Variants in METTL25 observed in about 807,000 individuals in gnomAD.
METTL25 encodes the protein methyltransferase like 25, also known as probable methyltransferase-like protein 25.
A neutral mutation model predicts 71.6 loss-of-function variants in METTL25; 64 were observed. That is an observed-to-expected ratio of 0.89 (90% confidence interval 0.73 to 1.10). The LOEUF is 1.10. METTL25 is among the 50% of genes least tolerant of loss of function. METTL25 has a pLI of 0.00. For missense variants in METTL25, 807 were observed against 707.0 expected, an observed-to-expected ratio of 1.14 and a Z score of -1.60; for synonymous variants, 287 against 250.3, an observed-to-expected ratio of 1.15 and a Z score of -1.38.
chr12:82,402,226 C>T (rs765497973), intron 4 of METTL25, among the ~76,000 whole-genome samples: 11 of 151,738 alleles, frequency 7.2e-5, no homozygotes, highest in African/African-American at 2.2e-4. Flanking sequence ...ATAGTTGATG[C>T]GGTGTATAAA....
At chr12:82,380,009 T>C (rs1592611077) in intron 1 of METTL25, among the ~76,000 whole-genome samples, 1 of 152,150 alleles carries the variant, frequency 6.6e-6, no homozygotes, top group African/African-American at 2.4e-5. Flanking sequence ...ATATTTGAGG[T>C]TTTAAAAATT....
intron 1 of METTL25, among the ~76,000 whole-genome samples, chr12:82,372,139 C>A (rs536321797): frequency 1.3e-5 from 2 of 152,286 alleles, no homozygotes; most frequent in African/African-American, 4.8e-5. Flanking sequence ...CCAAGTAAGA[C>A]TAAAGGTTTG....
At chr12:82,380,039 G>A (rs1884273560) in intron 1 of METTL25, among the ~76,000 whole-genome samples, 1 of 152,150 alleles carries the variant, frequency 6.6e-6, no homozygotes, top group Admixed American at 6.6e-5. Context: ...AATAAATTTG[G>A]AAAGTTGATC....
chr12:82,383,270 G>A (rs113901843), intron 1 of METTL25, among the ~76,000 whole-genome samples: 9,388 of 151,826 alleles, frequency 0.062, 340 homozygotes, highest in Middle Eastern at 0.12. Context: ...TGCCTCCTGG[G>A]TTCAAGTGAT....
At chr12:82,391,540 A>G (rs1035667525) in intron 3 of METTL25, among the ~76,000 whole-genome samples, 45 of 150,758 alleles carry the variant, frequency 3.0e-4, no homozygotes, top group African/African-American at 1.0e-3. Context: ...TTGTTAGTAT[A>G]TGTGTGTGTG....
intron 5 of METTL25, among the ~76,000 whole-genome samples, chr12:82,412,385 G>A (rs888554304): frequency 2.0e-5 from 3 of 152,016 alleles, no homozygotes; most frequent in Non-Finnish European, 2.9e-5. Flanking sequence ...TTAATGGTTG[G>A]CTCTGCCTCT....
chr12:82,415,459 A>G (rs1051857442), intron 5 of METTL25, among the ~76,000 whole-genome samples: 3 of 152,110 alleles, frequency 2.0e-5, no homozygotes, highest in African/African-American at 7.2e-5. Flanking sequence ...GATCATACAC[A>G]TACATGTAAT....
intron 2 of METTL25, among the ~76,000 whole-genome samples, chr12:82,389,239 C>T (rs1247452765): frequency 6.6e-6 from 1 of 152,096 alleles, no homozygotes; most frequent in East Asian, 1.9e-4. Context: ...AAACTAGCCA[C>T]ATGTGGCTGT....
chr12:82,469,194 T>C (rs150417839), intron 9 of METTL25, among the ~76,000 whole-genome samples: 165 of 152,298 alleles, frequency 1.1e-3, no homozygotes, highest in Non-Finnish European at 1.9e-3. Context: ...CTTTTTTGGA[T>C]GTCAACATTA....
At chr12:82,477,420 A>T (rs1892938941) in intron 11 of METTL25, 68 bp downstream of exon 11, 1 of 758,592 alleles carries the variant, frequency 1.3e-6, no homozygotes, top group South Asian at 2.1e-5. Context: ...AGCCACTTAT[A>T]TCTAGGATAA....
In METTL25 at chr12:82,478,926, T is replaced by C. The variant is rs199748532; in HGVS notation, c.1720-6T>C. On this transcript the variant is annotated splice_polypyrimidine_tract_variant and splice_region_variant and intron_variant, in intron 11 of 11. Coordinates refer to ENST00000248306, the MANE Select transcript of METTL25 (RefSeq NM_032230.3). Reference sequence around the variant, plus strand: ...TTGTATATCTAAATCACTTATTAATTTACAGGAAGATATTGCATGGTCTGC... The same window carrying C: ...TTGTATATCTAAATCACTTATTAATCTACAGGAAGATATTGCATGGTCTGC... 10 of 1,607,844 alleles carry C rather than the reference T, an allele frequency of 6.2e-6. No homozygotes were observed. Among genetic ancestry groups the C allele is most frequent in the Non-Finnish European group, 8.5e-6 (10 of 1,175,570 alleles).
At chr12:82,446,655 C>T (rs575057724) in intron 8 of METTL25, among the ~76,000 whole-genome samples, 27 of 143,000 alleles carry the variant, frequency 1.9e-4, no homozygotes, top group Admixed American at 4.4e-4. Flanking sequence ...CTCGCTCTGT[C>T]GCCCAGGCTG....
At chr12:82,414,799 A>G (rs1887835437) in intron 5 of METTL25, among the ~76,000 whole-genome samples, 1 of 152,112 alleles carries the variant, frequency 6.6e-6, no homozygotes, top group Non-Finnish European at 1.5e-5. Context: ...TAGCTAAGCA[A>G]ATAACCTTGA....
chr12:82,359,583 C>A lies in METTL25; in HGVS notation c.259+759C>A, dbSNP rs12832688. Among the ~76,000 whole-genome samples the A allele has an allele frequency of 5.7e-3, 872 of 152,308 alleles. 5 individuals carry two copies. Among genetic ancestry groups the A allele is most frequent in the Non-Finnish European group, 8.6e-3 (582 of 68,028 alleles). ...AGCTGAGAGGCCAGTTAGGAGACTA[C>A]CTCAGTAGTACAACAGATGATTGTA... On this transcript the variant is annotated intron_variant, in intron 1 of 11. Coordinates refer to ENST00000248306, the MANE Select transcript of METTL25 (RefSeq NM_032230.3).
intron 9 of METTL25, among the ~76,000 whole-genome samples, chr12:82,467,041 T>C (rs1228411280): frequency 2.6e-5 from 4 of 151,952 alleles, no homozygotes; most frequent in African/African-American, 9.7e-5. Flanking sequence ...CTGGCCAGAA[T>C]ATCTTTTTGT....
chr12:82,419,255 G>C (rs142454011), intron 5 of METTL25, among the ~76,000 whole-genome samples: 9 of 152,168 alleles, frequency 5.9e-5, no homozygotes, highest in Non-Finnish European at 1.3e-4. Context: ...GCAAGCACCA[G>C]GATTTAAGGC....
chr12:82,386,528 C>T (rs1885036776), intron 1 of METTL25, among the ~76,000 whole-genome samples: 1 of 141,754 alleles, frequency 7.1e-6, no homozygotes, highest in Non-Finnish European at 1.5e-5. Context: ...CTCTCTCTGT[C>T]TCTGTCTCTT....
At chr12:82,387,448 A>G (rs1473617964) in intron 2 of METTL25, among the ~76,000 whole-genome samples, 2 of 152,052 alleles carry the variant, frequency 1.3e-5, no homozygotes, top group Non-Finnish European at 2.9e-5. Context: ...ATAATATTCA[A>G]TGTAAATTGT....
At chr12:82,400,218 G>GCTACT (rs1260533680) in intron 4 of METTL25, among the ~76,000 whole-genome samples, 1 of 151,890 alleles carries the variant, frequency 6.6e-6, no homozygotes, top group Non-Finnish European at 1.5e-5. Context: ...TATAGTCCCA[G>GCTACT]CTACTCGGGA....
Sources: gnomAD v4.1 joint callset for allele counts (sites outside exome capture counted in the v4.1 genomes callset) on GRCh38, gnomAD v4.1.1 for gene constraint, MANE v1.5 for transcripts, NCBI Gene and HGNC (gene_info 2026-07-23, HGNC 2026-07-21) for gene names.